DMKN: variants seen among roughly 807,000 people sequenced by gnomAD.
DMKN encodes the protein dermokine.
Under a neutral mutation model 67.6 loss-of-function variants are expected in DMKN, and 58 were observed. The observed-to-expected ratio is 0.86, with a 90% CI of 0.69 to 1.07. DMKN has a LOEUF of 1.07. Ranked by LOEUF, DMKN falls within the 50% of genes least tolerant of loss-of-function variation. The pLI is 0.00. For synonymous variants in DMKN, 240 were observed against 232.3 expected, an observed-to-expected ratio of 1.03 and a Z score of -0.30; for missense variants, 596 against 601.5, an observed-to-expected ratio of 0.99 and a Z score of 0.10.
At chr19:35,504,135 C>T (rs1166196700) in intron 9 of DMKN, among the ~76,000 whole-genome samples, 2 of 152,140 alleles carry the variant, frequency 1.3e-5, no homozygotes, top group African/African-American at 4.8e-5. Context: ...GCGATCACTC[C>T]CTCGACTGCC....
Position 35,506,602 on chromosome 19 carries a change from G to A in DMKN, c.1039-616C>T, listed in dbSNP as rs1007750874. The A allele has an allele frequency of 8.6e-6, 4 of 463,954 alleles. No individual in the cohort carries two copies. In the East Asian group the frequency reaches 2.7e-4, roughly 31 times the overall value. 28.7% of individuals were successfully genotyped at this position (463,954 alleles called of 1,614,324 possible). A position where few individuals can be genotyped will look rare whatever the true frequency, so the allele number is the denominator to read the frequency against. ...TGTACAGTAACTGAAGGCTGCGTGA[G>A]TCAGGTTTCACTGTCCTCATTTTAC... is the stretch of plus-strand genomic sequence containing the variant. On this transcript the variant is annotated intron_variant, in intron 7 of 15. Transcript: ENST00000339686.
chr19:35,501,940 T>C, intron 11 of DMKN, 196 bp downstream of exon 11: 1 of 1,557,474 alleles, frequency 6.4e-7, no homozygotes, highest in Non-Finnish European at 8.7e-7. Context: ...CCTCGGCTTT[T>C]ATGCTAGGGA....
chr19:35,510,658 G>A, intron 5 of DMKN: 1 of 1,143,050 alleles, frequency 8.7e-7, no homozygotes, highest in South Asian at 1.6e-5. Flanking sequence ...GGGGAGAGGA[G>A]GATCATACGG....
rs368954429 is a variant in DMKN, at chr19:35,504,168, AG to A, written c.1135-1283del. ...GCCGCCCTAGATGGGCAAAACTGGC[AG>A]GGTGTCTATCCTGGCTCTCTGGGAA... On this transcript the variant is annotated intron_variant, in intron 9 of 15. Coordinates refer to ENST00000339686, the MANE Select transcript of DMKN (RefSeq NM_033317.5). Among the ~76,000 whole-genome samples the A allele has an allele frequency of 5.0e-3, 757 of 151,902 alleles. 6 individuals carry two copies. The highest frequency in any genetic ancestry group is 0.017 in the African/African-American group (711 of 41,178).
intron 5 of DMKN, among the ~76,000 whole-genome samples, chr19:35,510,681 G>A (rs370854432): frequency 6.6e-6 from 1 of 152,346 alleles, no homozygotes; most frequent in East Asian, 1.9e-4. Flanking sequence ...AGCGGCGCAT[G>A]AGAGCAGCTC....
At position 35,505,942 on chromosome 19, in the gene DMKN, C is replaced by T. The variant is rs1468185827; in HGVS notation, c.1083G>A (p.Trp361Ter). The T allele has an allele frequency of 6.2e-7, 1 of 1,614,170 alleles. No homozygotes were observed. Among genetic ancestry groups the T allele is most frequent in the East Asian group, 2.2e-5 (1 of 44,880 alleles). Residue 361 changes from tryptophan (W) to a stop codon, truncating the protein, a stop_gained, in exon 8 of 16, where the codon TGG becomes TGA. Coordinates refer to ENST00000339686, the MANE Select transcript of DMKN (RefSeq NM_033317.5). LOFTEE classifies it high-confidence loss of function. ...AGAGCCATCTCGCAGAACTCACCTT[C>T]CAGAAAGTGTCAAAGTTAAACATCC... is the stretch of plus-strand genomic sequence containing the variant. ...SPGMFNFDTF[W>*]KNFKSKLGFI...
chr19:35,500,305 G>T, intron 12 of DMKN: 1 of 1,516,646 alleles, frequency 6.6e-7, no homozygotes, highest in South Asian at 1.2e-5. Context: ...AGTGTTACTT[G>T]GGAGGTGAGG....
At chr19:35,501,199 A>T (rs1599836926) in intron 11 of DMKN, among the ~76,000 whole-genome samples, 1 of 152,058 alleles carries the variant, frequency 6.6e-6, no homozygotes, top group African/African-American at 2.4e-5. Flanking sequence ...CTCCACTTGG[A>T]CCGTCCGCCC....
intron 7 of DMKN, chr19:35,507,576 A>G (rs2069825088): frequency 5.6e-6 from 8 of 1,416,636 alleles, no homozygotes; most frequent in African/African-American, 2.8e-5. Context: ...CGAGAGGGCA[A>G]GGAAGCAGGG....
chr19:35,500,106 C>T (rs1221344044), intron 12 of DMKN, 77 bp from the exon 13 acceptor site: 1 of 1,517,668 alleles, frequency 6.6e-7, no homozygotes, highest in East Asian at 2.3e-5. Flanking sequence ...TCCCACCTTC[C>T]TGCCTGGACC....
At chr19:35,503,032 C>T (rs776631135) in intron 9 of DMKN, 146 bp from the exon 10 acceptor site, 15 of 1,001,430 alleles carry the variant, frequency 1.5e-5, no homozygotes, top group Non-Finnish European at 2.2e-5. Flanking sequence ...TTAGGGACAC[C>T]AGGAAACCAT....
At chr19:35,502,008 C>T in intron 11 of DMKN, 128 bp downstream of exon 11, 1 of 1,567,940 alleles carries the variant, frequency 6.4e-7, no homozygotes, top group Non-Finnish European at 8.7e-7. Flanking sequence ...CCCGCCCCCA[C>T]TCGGGATTGC....
intron 13 of DMKN, chr19:35,499,756 G>A (rs568526695): frequency 4.0e-5 from 23 of 568,970 alleles, no homozygotes; most frequent in Non-Finnish European, 5.9e-5. Context: ...GGTGTGAGGC[G>A]CATTGAACCC....
intron 7 of DMKN, among the ~76,000 whole-genome samples, chr19:35,509,271 T>G (rs1426076610): frequency 1.9e-5 from 1 of 51,390 alleles, no homozygotes; most frequent in Non-Finnish European, 3.2e-5. Flanking sequence ...GGGAAGAAAT[T>G]TTTTTTTAAA....
At chr19:35,500,121 C>A in intron 12 of DMKN, 92 bp from the exon 13 acceptor site, 1 of 1,469,088 alleles carries the variant, frequency 6.8e-7, no homozygotes, top group African/African-American at 1.4e-5. Context: ...TGGACCAGAC[C>A]TTTCCTAAAA....
rs184563318 is a variant in DMKN at position 35,498,898 on chromosome 19, C to G, written c.1360-1G>C. 9.5e-5 allele frequency: 154 copies of G among 1,614,140 alleles called. 2 individuals are homozygous for G. The East Asian group carries it at 2.7e-3, about 28-fold the overall frequency. The stretch of plus-strand genomic sequence containing the variant: ...CCGAGGAAGAAGGTGAGACTCCCCC[C>G]TGCAAAAAGATCAAAGGAAAGTGAT... On this transcript the variant is annotated splice_acceptor_variant, in intron 13 of 15. Coordinates refer to ENST00000339686, the MANE Select transcript of DMKN (RefSeq NM_033317.5). LOFTEE classifies it high-confidence loss of function.
At chr19:35,502,625 A>ATT (rs2068612070) in intron 10 of DMKN, among the ~76,000 whole-genome samples, 2 of 151,934 alleles carry the variant, frequency 1.3e-5, no homozygotes, top group South Asian at 4.2e-4. Context: ...AATGGCGTGA[A>ATT]CCCAGGAGGC....
At chr19:35,502,732 A>G in intron 10 of DMKN, 98 bp downstream of exon 10, 1 of 1,271,478 alleles carries the variant, frequency 7.9e-7, no homozygotes. Context: ...GAGTTTTGAA[A>G]CAGGTGGTTG....
intron 7 of DMKN, chr19:35,507,975 G>T: frequency 1.8e-6 from 1 of 547,240 alleles, no homozygotes; most frequent in Non-Finnish European, 3.2e-6. Context: ...AGGCGGCATA[G>T]AGTAGACTGG....
Sources: allele counts gnomAD v4.1 joint callset (sites outside exome capture counted in the v4.1 genomes callset), GRCh38; gene constraint gnomAD v4.1.1; transcripts MANE v1.5; gene names NCBI Gene and HGNC (gene_info 2026-07-23, HGNC 2026-07-21).